The following NEB variants were observed in gnomAD, a reference collection of about 807,000 sequenced individuals.
The protein encoded by NEB is nebulin, also known as nemaline myopathy type 2.
NEB carries 512 observed loss-of-function variants against 952.2 expected under a neutral mutation model. The ratio of observed to expected loss-of-function variants is 0.54; its 90% CI spans 0.50 to 0.58. The LOEUF (loss-of-function observed/expected upper bound fraction) is 0.58. Ranked by LOEUF, NEB falls within the 20% of genes least tolerant of loss-of-function variation. The pLI is 0.00. For synonymous variants in NEB, 2,900 were observed against 3,149.8 expected (o/e 0.92, Z 2.66); for missense variants, 8,428 against 9,231.1 (o/e 0.91, Z 3.56).
chr2:151,697,958 T>A (rs1315384950), intron 13 of NEB, among the ~76,000 whole-genome samples: 1 of 151,968 alleles, frequency 6.6e-6, no homozygotes. Context: ...CCCAGCTACT[T>A]GGGAGGCTGA....
At chr2:151,494,746 T>C (rs975641634) in intron 173 of NEB, among the ~76,000 whole-genome samples, 1 of 152,210 alleles carries the variant, frequency 6.6e-6, no homozygotes, top group East Asian at 1.9e-4. Flanking sequence ...CCTCCCGGGT[T>C]CAAGTGATTC....
At chr2:151,503,530 C>G in intron 165 of NEB, 89 bp from the exon 166 acceptor site, 1 of 795,632 alleles carries the variant, frequency 1.3e-6, no homozygotes, top group Non-Finnish European at 2.1e-6. Context: ...GGGGGAAACT[C>G]ATAAAAACAA....
At chr2:151,669,551 A>AG (rs2099260915) in intron 38 of NEB, among the ~76,000 whole-genome samples, 1 of 152,164 alleles carries the variant, frequency 6.6e-6, no homozygotes, top group Non-Finnish European at 1.5e-5. Flanking sequence ...ACTTGGAGAG[A>AG]GGGGCAGAGG....
chr2:151,733,004 G>T, intron 3 of NEB, 117 bp downstream of exon 3: 1 of 820,896 alleles, frequency 1.2e-6, no homozygotes, highest in South Asian at 2.0e-5. Flanking sequence ...TTTAAATGAT[G>T]ACTCTTTGTG....
chr2:151,697,708 C>T, intron 13 of NEB, 60 bp from the exon 14 acceptor site: 1 of 1,055,180 alleles, frequency 9.5e-7, no homozygotes, highest in East Asian at 2.4e-5. Flanking sequence ...CTGATTATAA[C>T]ACTTACATTT....
At position 151,502,853 on chromosome 2, in the gene NEB, G is replaced by A; in HGVS notation, c.23868C>T (p.Ile7956=). The A allele has an allele frequency of 6.2e-7, 1 of 1,605,766 alleles. No homozygotes were observed. The highest frequency in any genetic ancestry group is 2.2e-5 in the East Asian group (1 of 44,696). ...CCATCTCTGGAGTGATAGGTGTTGG[G>A]ATTCCTTTCCCCAAATTTTCTTTGT... ...VLYKENLGKG[I]PTPITPEMER... The change falls in exon 167 of 182, where the codon ATC becomes ATT. Residue 7956 remains isoleucine, a synonymous_variant. Coordinates refer to ENST00000397345, the MANE Select transcript of NEB (RefSeq NM_001164508.2).
intron 107 of NEB, among the ~76,000 whole-genome samples, chr2:151,574,859 G>A (rs977825942): frequency 6.6e-6 from 1 of 151,872 alleles, no homozygotes; most frequent in African/African-American, 2.4e-5. Context: ...AGCCTCCCAA[G>A]TAACTTGGGC....
At chr2:151,730,017 G>A (rs1050411243) in intron 3 of NEB, among the ~76,000 whole-genome samples, 6 of 152,184 alleles carry the variant, frequency 3.9e-5, no homozygotes, top group African/African-American at 1.4e-4. Flanking sequence ...GATCCTGAGT[G>A]TGTGGGTTGG....
chr2:151,650,323 A>C lies in NEB; in HGVS notation c.7284T>G (p.Gly2428=), dbSNP rs756723106. Residue 2428 remains glycine (G), a synonymous_variant, in exon 54 of 182, where the codon GGT becomes GGG. Transcript: ENST00000397345. ...GCTTGTTCTTTTCTGCCTCTAAAGAACCCAAGGGACTCCATCCTATGCCTC... is the reference window on the plus strand; with the variant it reads ...GCTTGTTCTTTTCTGCCTCTAAAGACCCCAAGGGACTCCATCCTATGCCTC... The part of the protein sequence containing the change: ...WLRGIGWSPL[G]SLEAEKNKRA... 1.2e-6 allele frequency: 2 copies of C among 1,613,820 alleles called. No individual in the cohort carries two copies. Among genetic ancestry groups the C allele is most frequent in the Admixed American group, 1.7e-5 (1 of 59,980 alleles).
intron 36 of NEB, among the ~76,000 whole-genome samples, chr2:151,673,895 T>C (rs914960858): frequency 4.0e-5 from 6 of 151,778 alleles, no homozygotes; most frequent in African/African-American, 1.5e-4. Context: ...CACCATTCGA[T>C]CTCCTGACCT....
intron 24 of NEB, chr2:151,689,893 TG>T (rs1344979983): frequency 6.6e-6 from 1 of 152,232 alleles, no homozygotes; most frequent in Non-Finnish European, 1.5e-5. Flanking sequence ...CTTTACTAAT[TG>T]GGTATGAGCT....
Position 151,524,348 on chromosome 2 carries a change from A to G in NEB, c.22442T>C (p.Ile7481Thr). 1.2e-6 allele frequency: 2 copies of G among 1,613,844 alleles called. No individual in the cohort carries two copies. Among genetic ancestry groups the G allele is most frequent in the Non-Finnish European group, 8.5e-7 (1 of 1,179,850 alleles). Residue 7481 changes from isoleucine to threonine, a missense_variant, in exon 153 of 182, where the codon ATA becomes ACA. Physicochemically the swap from Ile to Thr is moderately conservative, Grantham distance 89 (BLOSUM62 -1). Around this residue, in one of 11 missense-constraint regions of NEB, gnomAD observed 3,374 missense variants for 3,651.5 expected, o/e 0.92. Coordinates refer to ENST00000397345, the MANE Select transcript of NEB (RefSeq NM_001164508.2). ...HGLSMLGRPDIEMAKKAAKLS... is the reference protein window; with the variant it reads ...HGLSMLGRPDTEMAKKAAKLS... ...CTTGGCTGCCTTCTTGGCCATTTCT[A>G]TGTCTGGGCGACCGAGCATGCTTAA...
chr2:151,666,309 A>T lies in NEB; in HGVS notation c.4812T>A (p.Asn1604Lys), dbSNP rs748864845. Residue 1604 changes from asparagine to lysine, a missense_variant, in exon 41 of 182, where the codon AAT becomes AAA. Around this residue, in one of 11 missense-constraint regions of NEB, gnomAD observed 2,851 missense variants for 2,791.5 expected, o/e 1.02. Coordinates refer to ENST00000397345, the MANE Select transcript of NEB (RefSeq NM_001164508.2). ...QDDPKLVHYM[N>K]VAKIQSDREY... The stretch of plus-strand genomic sequence containing the variant: ...CACGATCAGACTGGATTTTGGCCAC[A>T]TTCATGTAGTGAACCAGTTTAGGAT... The T allele has an allele frequency of 3.7e-6, 6 of 1,613,892 alleles. No homozygotes were observed. Among genetic ancestry groups the T allele is most frequent in the Non-Finnish European group, 5.1e-6 (6 of 1,179,854 alleles).
At chr2:151,538,415 T>G (rs2093552066) in intron 138 of NEB, among the ~76,000 whole-genome samples, 171 bp from the exon 139 acceptor site, 1 of 152,182 alleles carries the variant, frequency 6.6e-6, no homozygotes, top group Non-Finnish European at 1.5e-5. Flanking sequence ...TAGGGAAAAC[T>G]AATGAAATCC....
intron 18 of NEB, among the ~76,000 whole-genome samples, chr2:151,695,255 A>G (rs1478415440): frequency 6.6e-6 from 1 of 152,184 alleles, no homozygotes; most frequent in Non-Finnish European, 1.5e-5. Context: ...TAAATGAATT[A>G]TATATAATTT....
intron 52 of NEB, among the ~76,000 whole-genome samples, chr2:151,652,568 T>C (rs565467379): frequency 6.6e-6 from 1 of 152,266 alleles, no homozygotes; most frequent in African/African-American, 2.4e-5. Flanking sequence ...ATTTTGGAGA[T>C]GGAGAGAAGG....
chr2:151,694,241 G>C, intron 20 of NEB, 82 bp downstream of exon 20: 1 of 1,164,278 alleles, frequency 8.6e-7, no homozygotes, highest in Non-Finnish European at 1.3e-6. Context: ...ATTTCAGTTA[G>C]GCTAACGTCC....
chr2:151,493,579 G>T, intron 175 of NEB, 134 bp from the exon 176 acceptor site: 1 of 737,296 alleles, frequency 1.4e-6, no homozygotes, highest in Non-Finnish European at 2.1e-6. Flanking sequence ...AAAATGTTAC[G>T]GTAGGAAGCA....
At position 151,729,632 on chromosome 2, in the gene NEB, C is replaced by T. The variant is rs199907781; in HGVS notation, c.61G>A (p.Glu21Lys). The change falls in exon 4 of 182, where the codon GAA (glutamate) becomes AAA (lysine). Residue 21 changes from glutamate to lysine, a missense_variant. Physicochemically the swap from Glu to Lys is moderately conservative, Grantham distance 56. Around this residue, in one of 11 missense-constraint regions of NEB, gnomAD observed 2,851 missense variants for 2,791.5 expected, o/e 1.02. Coordinates refer to ENST00000397345, the MANE Select transcript of NEB (RefSeq NM_001164508.2). The part of the protein sequence containing the change: ...VEYYTEEVVY[E>K]EVPGETITKI... ...GGCCTTACCTCTCCCGGCACCTCTT[C>T]GTAAACCACTTCTTCTGTGTAGTAC... 2.2e-4 allele frequency: 350 copies of T among 1,613,162 alleles called. No homozygotes were observed. The highest frequency in any genetic ancestry group is 2.8e-4 in the Non-Finnish European group (332 of 1,179,482).
Sources: gnomAD v4.1 joint callset for allele counts (sites outside exome capture counted in the v4.1 genomes callset) on GRCh38, gnomAD v4.1.1 for gene constraint, gnomAD v4.1.1 regional missense constraint, MANE v1.5 for transcripts, NCBI Gene and HGNC (gene_info 2026-07-23, HGNC 2026-07-21) for gene names.